Variants in PDS5A observed in about 807,000 individuals in gnomAD.
PDS5A encodes the protein sister chromatid cohesion protein PDS5 homolog A.
In PDS5A, 42 loss-of-function variants were observed where a neutral mutation model predicts 167.1. That is an observed-to-expected ratio of 0.25 (90% CI 0.20 to 0.33). PDS5A has a LOEUF of 0.33. PDS5A is among the 10% of genes least tolerant of loss of function. The pLI, the probability that PDS5A is intolerant of heterozygous loss-of-function variation, is 1.00. For synonymous variants in PDS5A, 553 were observed against 554.6 expected, an observed-to-expected ratio of 1.00 and a Z score of 0.04; for missense variants, 1,033 against 1,605.9, an observed-to-expected ratio of 0.64 and a Z score of 6.10.
intron 2 of PDS5A, among the ~76,000 whole-genome samples, chr4:39,942,822 G>A (rs1382647187): frequency 6.6e-6 from 1 of 152,016 alleles, no homozygotes; most frequent in African/African-American, 2.4e-5. Context: ...GTGGTCATTA[G>A]CATAAAAATC....
chr4:39,971,990 A>G (rs1440065544), intron 2 of PDS5A, among the ~76,000 whole-genome samples: 1 of 152,228 alleles, frequency 6.6e-6, no homozygotes, highest in Non-Finnish European at 1.5e-5. Context: ...GAAGAAATAC[A>G]AAATCAAAAG....
chr4:39,930,163 C>T (rs1429354228), intron 2 of PDS5A, among the ~76,000 whole-genome samples: 1 of 127,586 alleles, frequency 7.8e-6, no homozygotes, highest in Non-Finnish European at 1.6e-5. Context: ...TGCAGTGAGC[C>T]GAGACTGTGC....
At chr4:39,888,610 AAAAG>A (rs1277072774) in intron 17 of PDS5A, among the ~76,000 whole-genome samples, 1 of 152,192 alleles carries the variant, frequency 6.6e-6, no homozygotes, top group East Asian at 1.9e-4. Context: ...CAGCCATAAA[AAAAG>A]AATGAAATCC....
At chr4:39,954,559 G>A (rs1450928515) in intron 2 of PDS5A, among the ~76,000 whole-genome samples, 1 of 150,830 alleles carries the variant, frequency 6.6e-6, no homozygotes, top group African/African-American at 2.4e-5. Context: ...GACCTCAGGT[G>A]ATCCACCCGC....
chr4:39,926,148 T>C (rs1216924034), intron 4 of PDS5A, among the ~76,000 whole-genome samples: 1 of 152,102 alleles, frequency 6.6e-6, no homozygotes, highest in Non-Finnish European at 1.5e-5. Context: ...ATACTCAATA[T>C]TTTTAAGTTG....
chr4:39,926,728 A>T, intron 4 of PDS5A, 47 bp downstream of exon 4: 1 of 1,184,152 alleles, frequency 8.4e-7, no homozygotes, highest in South Asian at 1.8e-5. Context: ...AGAATTTGCT[A>T]TCATGTGAAA....
intron 2 of PDS5A, among the ~76,000 whole-genome samples, chr4:39,931,724 C>T (rs535902352): frequency 2.6e-5 from 4 of 152,034 alleles, no homozygotes; most frequent in Non-Finnish European, 4.4e-5. Context: ...CAGCCTGTTC[C>T]GTTACTCAGG....
At chr4:39,954,192 AAAC>A (rs1728685101) in intron 2 of PDS5A, among the ~76,000 whole-genome samples, 1 of 150,414 alleles carries the variant, frequency 6.6e-6, no homozygotes, top group Non-Finnish European at 1.5e-5. Flanking sequence ...AAAAAAAAAC[AAAC>A]AAACAGAAAA....
intron 31 of PDS5A, among the ~76,000 whole-genome samples, chr4:39,839,697 GACT>G (rs1716770302): frequency 7.8e-6 from 1 of 127,852 alleles, no homozygotes; most frequent in African/African-American, 3.1e-5. Context: ...AATATTTGAT[GACT>G]ACAATAAGTA....
chr4:39,836,710 C>T (rs539954094), intron 32 of PDS5A, among the ~76,000 whole-genome samples: 17 of 150,788 alleles, frequency 1.1e-4, no homozygotes, highest in African/African-American at 2.9e-4. Context: ...GTGATCTACC[C>T]GCCGTGGCCT....
rs1257918943 is a variant in PDS5A, at chr4:39,863,014, C to T, written c.2826G>A (p.Lys942=). 1 of 1,613,772 alleles carries T rather than the reference C, an allele frequency of 6.2e-7. No individual in the cohort carries two copies. Among genetic ancestry groups the T allele is most frequent in the Non-Finnish European group, 8.5e-7 (1 of 1,179,716 alleles). ...CCATATACTCCAATGGGAGCAGTAA[C>T]TTCACAAGTGCCTTATGCAGCTTCT... ...FAQKLHKALV[K]LLLPLEYMAI... The change falls in exon 25 of 33, where the codon AAG becomes AAA. Residue 942 remains lysine, a synonymous_variant. Transcript: ENST00000303538.
chr4:39,918,951 T>TAC (rs909246363), intron 7 of PDS5A, among the ~76,000 whole-genome samples: 7 of 152,192 alleles, frequency 4.6e-5, no homozygotes, highest in Non-Finnish European at 8.8e-5. Flanking sequence ...AATATATGCA[T>TAC]ACACACACAC....
intron 2 of PDS5A, among the ~76,000 whole-genome samples, chr4:39,962,097 GC>G (rs1340268705): frequency 6.7e-6 from 1 of 150,276 alleles, no homozygotes; most frequent in African/African-American, 2.4e-5. Context: ...TCGCTCTGTT[GC>G]CCAGGATGGA....
intron 2 of PDS5A, among the ~76,000 whole-genome samples, chr4:39,975,175 A>G (rs1730968296): frequency 6.6e-6 from 1 of 150,970 alleles, no homozygotes; most frequent in Non-Finnish European, 1.5e-5. Context: ...GCTACTTGGG[A>G]GGCTGAGGCA....
chr4:39,919,168 C>T (rs1724683178), intron 7 of PDS5A, among the ~76,000 whole-genome samples: 1 of 151,884 alleles, frequency 6.6e-6, no homozygotes, highest in African/African-American at 2.4e-5. Context: ...GATTTTTATC[C>T]ATGGAAAATA....
intron 8 of PDS5A, 42 bp from the exon 9 acceptor site, chr4:39,913,768 C>T (rs770130509): frequency 2.0e-6 from 2 of 985,776 alleles, no homozygotes; most frequent in South Asian, 1.3e-5. Context: ...GCTTTATTCA[C>T]CAGATTACAG....
intron 22 of PDS5A, among the ~76,000 whole-genome samples, chr4:39,869,032 T>C (rs1032267640): frequency 6.6e-6 from 1 of 152,144 alleles, no homozygotes; most frequent in African/African-American, 2.4e-5. Context: ...TAAAACAGCC[T>C]CATTAAGATT....
At chr4:39,879,636 C>T in intron 18 of PDS5A, 92 bp downstream of exon 18, 2 of 641,612 alleles carry the variant, frequency 3.1e-6, no homozygotes, top group South Asian at 2.2e-5. Context: ...AAATAGTTTC[C>T]TGTGAAATAA....
Position 39,823,031 on chromosome 4 carries a change from A to G in PDS5A, c.*2454T>C, listed in dbSNP as rs1714997045. Reference sequence around the variant, plus strand: ...ACAAGAATATGCAAAACTACTTTACATTATACACACTTTTTATCAAAGGAG... The same window carrying G: ...ACAAGAATATGCAAAACTACTTTACGTTATACACACTTTTTATCAAAGGAG... On this transcript the variant is annotated 3_prime_UTR_variant, in exon 33 of 33. Coordinates refer to ENST00000303538, the MANE Select transcript of PDS5A (RefSeq NM_001100399.2). 6.6e-6 allele frequency: 1 copy of G among 152,616 alleles called. No individual in the cohort carries two copies. The highest frequency in any genetic ancestry group is 2.4e-5 in the African/African-American group (1 of 41,442). 9.5% of individuals were successfully genotyped at this position (152,616 alleles called of 1,614,324 possible).
Sources: allele counts gnomAD v4.1 joint callset (sites outside exome capture counted in the v4.1 genomes callset), GRCh38; gene constraint gnomAD v4.1.1; transcripts MANE v1.5; gene names NCBI Gene and HGNC (gene_info 2026-07-23, HGNC 2026-07-21).